Variants in CSMD2 observed in about 807,000 individuals in gnomAD.
CSMD2 encodes the protein CUB and sushi domain-containing protein 2.
A neutral mutation model predicts 398.5 loss-of-function variants in CSMD2; 130 were observed. The ratio of observed to expected loss-of-function variants is 0.33; its 90% CI spans 0.28 to 0.38. CSMD2 has a LOEUF of 0.38. CSMD2 is among the 10% of genes least tolerant of loss of function. CSMD2 has a pLI of 1.00. For synonymous variants in CSMD2, 1,828 were observed against 1,908.5 expected, an observed-to-expected ratio of 0.96 and a Z score of 1.10; for missense variants, 3,829 against 4,764.9, an observed-to-expected ratio of 0.80 and a Z score of 5.78.
chr1:33,645,723 T>C (rs1241905970), intron 29 of CSMD2, among the ~76,000 whole-genome samples: 1 of 152,224 alleles, frequency 6.6e-6, no homozygotes, highest in African/African-American at 2.4e-5. Flanking sequence ...TCACTGATCT[T>C]TACATTTCTA....
rs570862846 is a variant in CSMD2, at chr1:33,849,667, G to A, written c.921-2671C>T. ...TTTACAGCCAGTCACAGTGGCTCAC[G>A]CCTGTATTCCCAGGGTTTTGAGAGG... On this transcript the variant is annotated intron_variant, in intron 5 of 70. Transcript: ENST00000373381. Among the ~76,000 whole-genome samples the A allele has an allele frequency of 6.6e-5, 10 of 151,470 alleles. No homozygotes were observed. In the East Asian group the frequency reaches 1.9e-3, roughly 29 times the overall value.
chr1:33,540,547 G>A lies in CSMD2; in HGVS notation c.9609C>T (p.Thr3203=), dbSNP rs200819682. 10 of 1,614,018 alleles carry A rather than the reference G, an allele frequency of 6.2e-6. No homozygotes were observed. The highest frequency in any genetic ancestry group is 7.6e-6 in the Non-Finnish European group (9 of 1,180,034). ...VFTCEGNGSW[T]GELPQCFPVF... ...TACGGAAACACTGAGGCAGCTCTCCGGTCCAGGACCCATTTCCCTCACAGG... is the reference window on the plus strand; with the variant it reads ...TACGGAAACACTGAGGCAGCTCTCCAGTCCAGGACCCATTTCCCTCACAGG... The change falls in exon 60 of 71, where the codon ACC becomes ACT. Residue 3203 remains threonine (T), a synonymous_variant. Coordinates refer to ENST00000373381, the MANE Select transcript of CSMD2 (RefSeq NM_001281956.2).
At chr1:33,891,243 T>C (rs924691104) in intron 5 of CSMD2, among the ~76,000 whole-genome samples, 15 of 149,674 alleles carry the variant, frequency 1.0e-4, no homozygotes, top group African/African-American at 1.5e-4. Context: ...GCGAAGGACA[T>C]GAACAGACAT....
At chr1:33,558,243 T>C (rs1658221916) in intron 54 of CSMD2, among the ~76,000 whole-genome samples, 1 of 152,232 alleles carries the variant, frequency 6.6e-6, no homozygotes, top group Non-Finnish European at 1.5e-5. Flanking sequence ...AGGGCATGAA[T>C]GTCTAGTCTC....
Position 34,164,938 on chromosome 1 carries a change from C to G in CSMD2, c.160G>C (p.Gly54Arg). 8.2e-7 allele frequency: 1 copy of G among 1,221,304 alleles called. No individual in the cohort carries two copies. 75.7% of individuals were successfully genotyped at this position (1,221,304 alleles called of 1,614,324 possible). ...PPPLLLLLGC[G>R]LLSVSAAAGQ... is the part of the protein sequence containing the mutation. The stretch of plus-strand genomic sequence containing the variant: ...GCGGCGGCCGAGACGCTGAGCAACC[C>G]ACAGCCCAGCAACAGCAGCAGAGGC... Residue 54 changes from glycine to arginine, a missense_variant, in exon 1 of 71, where the codon GGG (glycine) becomes CGG (arginine). Gly to Arg is a moderately radical substitution (Grantham distance 125). This residue lies in a region of CSMD2 where 184 missense variants were observed against 217.7 expected (regional missense o/e 0.85). Coordinates refer to ENST00000373381, the MANE Select transcript of CSMD2 (RefSeq NM_001281956.2). The surrounding 1 kb of genome is among the most constrained non-coding windows in gnomAD (Gnocchi z 6.2).
Position 33,537,343 on chromosome 1 carries a change from T to C in CSMD2, c.9805+93A>G. On this transcript the variant is annotated intron_variant, in intron 61 of 70. Transcript: ENST00000373381. This position sits in a 1 kb window ranked among gnomAD's most constrained non-coding sequence, Gnocchi z 4.6. ...TGTTCCCTTTTGCAGATGAGACCAC[T>C]GAAGACAGGGAAGGAAAGTAATCAT... is the stretch of plus-strand genomic sequence containing the variant. 1 of 1,387,928 alleles carries C rather than the reference T, an allele frequency of 7.2e-7. No homozygotes were observed. The highest frequency in any genetic ancestry group is 9.9e-7 in the Non-Finnish European group (1 of 1,008,638). 86.0% of individuals were successfully genotyped at this position (1,387,928 alleles called of 1,614,324 possible).
At chr1:33,805,046 G>T in intron 10 of CSMD2, 1 of 615,286 alleles carries the variant, frequency 1.6e-6, no homozygotes, top group Non-Finnish European at 2.9e-6. Flanking sequence ...AACTCAGGCT[G>T]GTGGGATCTC....
At chr1:34,041,116 C>T (rs1553293206) in intron 2 of CSMD2, among the ~76,000 whole-genome samples, 1 of 151,994 alleles carries the variant, frequency 6.6e-6, no homozygotes, top group Non-Finnish European at 1.5e-5. Context: ...CAGAATGAGA[C>T]CCTGTCTCAA....
chr1:33,757,163 G>C (rs937736658), intron 13 of CSMD2, among the ~76,000 whole-genome samples: 3 of 152,004 alleles, frequency 2.0e-5, no homozygotes, highest in South Asian at 4.2e-4. Flanking sequence ...GTTGTGGGGT[G>C]GGGGGAGTGG....
intron 41 of CSMD2, among the ~76,000 whole-genome samples, chr1:33,609,142 G>A (rs1640831800): frequency 6.6e-6 from 1 of 152,186 alleles, no homozygotes; most frequent in African/African-American, 2.4e-5. Context: ...GGCTCTGTCT[G>A]GGTGCAAGGC....
At chr1:33,572,427 T>C (rs1342767417) in intron 50 of CSMD2, 79 bp downstream of exon 50, 21 of 1,306,846 alleles carry the variant, frequency 1.6e-5, no homozygotes, top group Admixed American at 9.8e-5. Flanking sequence ...ACTTTGCTTT[T>C]AGCTCACTCC....
chr1:33,890,797 A>G lies in CSMD2; in HGVS notation c.920+27297T>C, dbSNP rs1030265582. ...CCTGAGAAAAACAAGCAATGGGGAA[A>G]GGATTCCCTATTTAATAAATGGTAC... On this transcript the variant is annotated intron_variant, in intron 5 of 70. Coordinates refer to ENST00000373381, the MANE Select transcript of CSMD2 (RefSeq NM_001281956.2). Among the ~76,000 whole-genome samples, 45 of 152,234 alleles carry G rather than the reference A, an allele frequency of 3.0e-4. 1 individual carries two copies. The Middle Eastern group carries it at 0.01, about 35-fold the overall frequency.
chr1:33,544,129 C>T (rs750344918), intron 57 of CSMD2, among the ~76,000 whole-genome samples: 7 of 121,826 alleles, frequency 5.7e-5, no homozygotes, highest in South Asian at 2.7e-4. Flanking sequence ...TTTTTTGAGA[C>T]GGAGTCTCGC....
chr1:34,149,996 G>A (rs1050447768), intron 1 of CSMD2, among the ~76,000 whole-genome samples: 1 of 152,042 alleles, frequency 6.6e-6, no homozygotes, highest in Non-Finnish European at 1.5e-5. Flanking sequence ...ACTCATTAAA[G>A]ACGCAGATCC....
At chr1:34,011,424 T>C (rs1056900864) in intron 3 of CSMD2, among the ~76,000 whole-genome samples, 2 of 152,154 alleles carry the variant, frequency 1.3e-5, no homozygotes, top group African/African-American at 4.8e-5. Flanking sequence ...TTGCAGTGTT[T>C]CCATCAAGAT....
rs548700126 is a variant in CSMD2, at chr1:33,572,572, C to G, written c.7696G>C (p.Glu2566Gln). The change falls in exon 50 of 71, where the codon GAG (glutamate) becomes CAG (glutamine). Residue 2566 changes from glutamate to glutamine, a missense_variant. This residue lies in a region of CSMD2 where 723 missense variants were observed against 758.6 expected (regional missense o/e 0.95). Coordinates refer to ENST00000373381, the MANE Select transcript of CSMD2 (RefSeq NM_001281956.2). ...SEGYHLQAGA[E>Q]ATAECLDTGL... is the part of the protein sequence containing the mutation. ...GTGTCCAGACACTCTGCAGTGGCCT[C>G]AGCGCCTGCCTGGAGGTGGTAGCCT... 6.2e-7 allele frequency: 1 copy of G among 1,614,180 alleles called. No individual in the cohort carries two copies. The highest frequency in any genetic ancestry group is 2.2e-5 in the East Asian group (1 of 44,876).
chr1:33,559,725 G>T lies in CSMD2; in HGVS notation c.8381-252C>A, dbSNP rs536955504. Among the ~76,000 whole-genome samples the T allele has an allele frequency of 1.3e-5, 2 of 152,226 alleles. No homozygotes were observed. Among genetic ancestry groups the T allele is most frequent in the South Asian group, 2.1e-4 (1 of 4,794 alleles). ...GACTTCCCATAGGGTGTTAGGACTG[G>T]ACTGTGGTTCTCTGTGGTCTGAGCG... is the stretch of plus-strand genomic sequence containing the variant. On this transcript the variant is annotated intron_variant, in intron 53 of 70. Coordinates refer to ENST00000373381, the MANE Select transcript of CSMD2 (RefSeq NM_001281956.2). The surrounding 1 kb of genome is among the most constrained non-coding windows in gnomAD (Gnocchi z 4.0).
intron 21 of CSMD2, among the ~76,000 whole-genome samples, chr1:33,710,805 C>T (rs1645962311): frequency 6.6e-6 from 1 of 151,996 alleles, no homozygotes; most frequent in South Asian, 2.1e-4. Flanking sequence ...AGTTATACAT[C>T]TTGTGTTTTA....
chr1:34,046,610 G>A (rs1405059703), intron 2 of CSMD2, among the ~76,000 whole-genome samples: 4 of 152,134 alleles, frequency 2.6e-5, no homozygotes, highest in East Asian at 3.9e-4. Flanking sequence ...CTTTATTTAC[G>A]ACATCAGTTG....
Sources: gnomAD v4.1 joint callset for allele counts (sites outside exome capture counted in the v4.1 genomes callset) on GRCh38, gnomAD v4.1.1 for gene constraint, gnomAD v4.1.1 regional missense constraint, Gnocchi (gnomAD v3.1) non-coding constraint, MANE v1.5 for transcripts, NCBI Gene and HGNC (gene_info 2026-07-23, HGNC 2026-07-21) for gene names.